The following MTARC1 variants were observed in gnomAD, a reference collection of about 807,000 sequenced individuals.
The protein encoded by MTARC1 is mitochondrial amidoxime reducing component 1.
Under a neutral mutation model 33.6 loss-of-function variants are expected in MTARC1, and 24 were observed. That is an observed-to-expected ratio of 0.72 (90% confidence interval 0.52 to 1.01). The LOEUF is 1.01. Ranked by LOEUF, MTARC1 falls within the 50% of genes least tolerant of loss-of-function variation. The probability of loss-of-function intolerance (pLI) is 0.00; values close to 1 mark genes in which losing one functional copy is unlikely to be tolerated. For synonymous variants in MTARC1, 187 were observed against 189.5 expected (o/e 0.99, Z 0.11); for missense variants, 417 against 445.7 (o/e 0.94, Z 0.58).
At chr1:220,812,727 AAT>A (rs1491220882) in intron 6 of MTARC1, among the ~76,000 whole-genome samples, 1 of 131,780 alleles carries the variant, frequency 7.6e-6, no homozygotes, top group Non-Finnish European at 1.7e-5. Context: ...TTGAGTATCT[AAT>A]TTTTTTTTTT....
intron 4 of MTARC1, among the ~76,000 whole-genome samples, chr1:220,801,323 C>T (rs751959605): frequency 6.6e-6 from 1 of 151,322 alleles, no homozygotes; most frequent in Non-Finnish European, 1.5e-5. Flanking sequence ...CTGCTGCGGG[C>T]TTCACTGACC....
At chr1:220,794,868 A>G (rs1343748079) in intron 2 of MTARC1, among the ~76,000 whole-genome samples, 13 of 152,200 alleles carry the variant, frequency 8.5e-5, no homozygotes, top group Admixed American at 8.5e-4. Flanking sequence ...CATATACTAC[A>G]GCAGTGTACT....
chr1:220,804,844 G>A (rs1031358215), intron 4 of MTARC1, among the ~76,000 whole-genome samples: 3 of 151,720 alleles, frequency 2.0e-5, no homozygotes, highest in African/African-American at 7.3e-5. Flanking sequence ...TCTCATCTCA[G>A]GGGAATCAAC....
chr1:220,796,784 C>G lies in MTARC1; in HGVS notation c.591C>G (p.Asp197Glu). 6.2e-7 allele frequency: 1 copy of G among 1,610,812 alleles called. No individual in the cohort carries two copies. Among genetic ancestry groups the G allele is most frequent in the Non-Finnish European group, 8.5e-7 (1 of 1,178,556 alleles). Residue 197 changes from aspartate to glutamate, a missense_variant, in exon 3 of 7, where the codon GAC (aspartate) becomes GAG (glutamate). Coordinates refer to ENST00000366910, the MANE Select transcript of MTARC1 (RefSeq NM_022746.4). ...MRPRRPHQIA[D>E]LFRPKDQIAY... Reference sequence around the variant, plus strand: ...CGAGACGTCCTCATCAAATAGCAGACTTGTTCCGACCCAAGGACCAGGTGA... The same window carrying G: ...CGAGACGTCCTCATCAAATAGCAGAGTTGTTCCGACCCAAGGACCAGGTGA...
At position 220,816,670 on chromosome 1, in the gene MTARC1, T is replaced by A. The variant is rs920290758; in HGVS notation, c.*3252T>A. The A allele has an allele frequency of 6.6e-6, 1 of 152,284 alleles. No individual in the cohort carries two copies. Among genetic ancestry groups the A allele is most frequent in the African/African-American group, 2.4e-5 (1 of 41,458 alleles). The allele number at this position is 152,284 out of a possible 1,614,324, so 9.4% of individuals were successfully genotyped here. On this transcript the variant is annotated 3_prime_UTR_variant, in exon 7 of 7. Transcript: ENST00000366910. Reference sequence around the variant, plus strand: ...GGCAGAATGCCAGTGAGCCAAGGAATCCCAGTTAGCAGGAGGGGTGCACTC... The same window carrying A: ...GGCAGAATGCCAGTGAGCCAAGGAAACCCAGTTAGCAGGAGGGGTGCACTC...
intron 6 of MTARC1, among the ~76,000 whole-genome samples, chr1:220,811,635 T>C (rs1302809234): frequency 1.3e-5 from 2 of 152,180 alleles, no homozygotes; most frequent in Non-Finnish European, 2.9e-5. Flanking sequence ...TAAAATGTTT[T>C]AAATATAAAA....
chr1:220,818,348 C>T lies in MTARC1; in HGVS notation c.*4930C>T, dbSNP rs1673322425. On this transcript the variant is annotated 3_prime_UTR_variant, in exon 7 of 7. Coordinates refer to ENST00000366910, the MANE Select transcript of MTARC1 (RefSeq NM_022746.4). ...TGCCTTAATTACATTATTATTCTTC[C>T]TGGACAGGCTGTAGGTTGTGTAAAG... 6.6e-6 allele frequency: 1 copy of T among 152,170 alleles called. No homozygotes were observed. The highest frequency in any genetic ancestry group is 2.4e-5 in the African/African-American group (1 of 41,432). The allele number at this position is 152,170 out of a possible 1,614,324, so 9.4% of individuals were successfully genotyped here.
rs748911732 is a variant in MTARC1 at position 220,796,685 on chromosome 1, C to A, written c.492C>A (p.Ala164=). The A allele has an allele frequency of 5.0e-6, 8 of 1,611,928 alleles. No individual in the cohort carries two copies. Among genetic ancestry groups the A allele is most frequent in the Non-Finnish European group, 6.8e-6 (8 of 1,179,080 alleles). The change falls in exon 3 of 7, where the codon GCC becomes GCA. Residue 164 remains alanine (A), a synonymous_variant. Transcript: ENST00000366910. ...TAGAGGGCAGGGACTGTGGCGAGGC[C>A]ACCGCCCAGTGGATAACCAGCTTCC... ...LEIEGRDCGE[A]TAQWITSFLK...
At chr1:220,805,513 A>G (rs1008544213) in intron 6 of MTARC1, among the ~76,000 whole-genome samples, 40 of 152,344 alleles carry the variant, frequency 2.6e-4, no homozygotes, top group African/African-American at 9.4e-4. Context: ...AAATAAATCA[A>G]TGTTTAAAAA....
Position 220,798,047 on chromosome 1 carries a change from A to G in MTARC1, c.753+33A>G, listed in dbSNP as rs1277957655. On this transcript the variant is annotated intron_variant, in intron 4 of 6. Coordinates refer to ENST00000366910, the MANE Select transcript of MTARC1 (RefSeq NM_022746.4). ...TATGCCCCTTTGGATCTTTCCTTGGATTTGACTTCTTTTTTAAGGTATGAG... is the reference window on the plus strand; with the variant it reads ...TATGCCCCTTTGGATCTTTCCTTGGGTTTGACTTCTTTTTTAAGGTATGAG... 5.0e-6 allele frequency: 8 copies of G among 1,614,026 alleles called. No individual in the cohort carries two copies. In the South Asian group the frequency reaches 8.8e-5, roughly 18 times the overall value.
intron 3 of MTARC1, 75 bp downstream of exon 3, chr1:220,796,880 G>A: frequency 2.0e-6 from 3 of 1,466,954 alleles, no homozygotes; most frequent in Non-Finnish European, 2.7e-6. Context: ...CATCTCTGAT[G>A]ACCTCGGCTC....
At chr1:220,788,128 A>G (rs1672302978) in intron 1 of MTARC1, among the ~76,000 whole-genome samples, 1 of 152,230 alleles carries the variant, frequency 6.6e-6, no homozygotes, top group East Asian at 1.9e-4. Flanking sequence ...GCCACACAGC[A>G]GCAGAACCAG....
chr1:220,813,203 C>T (rs914172263), intron 6 of MTARC1, 89 bp from the exon 7 acceptor site: 42 of 1,567,086 alleles, frequency 2.7e-5, no homozygotes, highest in African/African-American at 6.8e-5. Flanking sequence ...GCTGTGCGTG[C>T]GGAGGCCCTG....
At chr1:220,792,800 T>G (rs1488984499) in intron 2 of MTARC1, among the ~76,000 whole-genome samples, 1 of 152,188 alleles carries the variant, frequency 6.6e-6, no homozygotes, top group Non-Finnish European at 1.5e-5. Flanking sequence ...TAAATTGATA[T>G]GTTGAGTATT....
At chr1:220,792,806 G>A (rs1571664137) in intron 2 of MTARC1, among the ~76,000 whole-genome samples, 1 of 152,126 alleles carries the variant, frequency 6.6e-6, no homozygotes, top group Non-Finnish European at 1.5e-5. Flanking sequence ...GATATGTTGA[G>A]TATTTTTTCA....
chr1:220,803,196 A>G (rs1473753898), intron 4 of MTARC1, among the ~76,000 whole-genome samples: 1 of 152,220 alleles, frequency 6.6e-6, no homozygotes, highest in South Asian at 2.1e-4. Context: ...CACGTCTTAC[A>G]TGGTGGCAGG....
intron 4 of MTARC1, among the ~76,000 whole-genome samples, chr1:220,804,747 C>G (rs1447881260): frequency 6.6e-6 from 1 of 151,160 alleles, no homozygotes; most frequent in Non-Finnish European, 1.5e-5. Flanking sequence ...CCCCACCCCC[C>G]ACCACCAGTC....
At position 220,813,414 on chromosome 1, in the gene MTARC1, A is replaced by C; in HGVS notation, c.1010A>C (p.Gln337Pro). 6.2e-7 allele frequency: 1 copy of C among 1,614,214 alleles called. No individual in the cohort carries two copies. Among genetic ancestry groups the C allele is most frequent in the Non-Finnish European group, 8.5e-7 (1 of 1,180,032 alleles). ...GGAGACCCTGTGTACCTGCTGGGCC[A>C]GTAATGGGAACCGTATGTCCTGGAA... is the stretch of plus-strand genomic sequence containing the variant. ...KVGDPVYLLG[Q>P] Residue 337 changes from glutamine (Q) to proline (P), a missense_variant, in exon 7 of 7, where the codon CAG (glutamine) becomes CCG (proline). Coordinates refer to ENST00000366910, the MANE Select transcript of MTARC1 (RefSeq NM_022746.4).
intron 1 of MTARC1, chr1:220,790,937 AGCACTGAATGTTG>A (rs1672401155): frequency 6.6e-6 from 1 of 152,330 alleles, no homozygotes; most frequent in Non-Finnish European, 1.5e-5. Flanking sequence ...CAGAATGGAC[AGCACTGAATGTTG>A]GAACATAAAA....
Sources: allele counts gnomAD v4.1 joint callset (sites outside exome capture counted in the v4.1 genomes callset), GRCh38; gene constraint gnomAD v4.1.1; transcripts MANE v1.5; gene names NCBI Gene and HGNC (gene_info 2026-07-23, HGNC 2026-07-21).